The following SMG5 variants were observed in gnomAD, a reference collection of about 807,000 sequenced individuals.
SMG5 encodes the protein nonsense-mediated mRNA decay factor SMG5.
SMG5 carries 53 observed loss-of-function variants against 122.9 expected under a neutral mutation model. The ratio of observed to expected loss-of-function variants is 0.43; its 90% confidence interval spans 0.35 to 0.54. SMG5 has a LOEUF of 0.54. SMG5 is among the 20% of genes least tolerant of loss of function. SMG5 has a pLI of 0.01. For synonymous variants in SMG5, 477 were observed against 490.2 expected (o/e 0.97, Z 0.35); for missense variants, 1,153 against 1,285.6 (o/e 0.90, Z 1.58).
intron 12 of SMG5, among the ~76,000 whole-genome samples, chr1:156,265,116 A>G (rs1662064394): frequency 6.6e-6 from 1 of 151,512 alleles, no homozygotes; most frequent in Non-Finnish European, 1.5e-5. Context: ...CCAGCTACTC[A>G]GAAGGCTGAG....
chr1:156,251,525 G>C (rs754777740), intron 19 of SMG5, 48 bp from the exon 20 acceptor site: 2 of 1,597,454 alleles, frequency 1.3e-6, no homozygotes, highest in South Asian at 2.2e-5. Context: ...AGACTGGCAG[G>C]GTGCCTTACA....
intron 17 of SMG5, 136 bp downstream of exon 17, chr1:156,253,313 G>A: frequency 1.0e-6 from 1 of 977,692 alleles, no homozygotes; most frequent in South Asian, 1.4e-5. Context: ...GTAGTAAGGA[G>A]GGTCATCTGG....
the SMG5 span, among the ~76,000 whole-genome samples, chr1:156,289,829 G>A: frequency 3.3e-5 from 5 of 152,290 alleles, no homozygotes; most frequent in African/African-American, 4.8e-5. Context: ...TCCATTGAGG[G>A]GTGTGTATTG....
rs774850259 is a variant in SMG5, at chr1:156,251,013, GA to G, written c.2829-18del. ...TAGAGAGTCCTGGGGATGGGGGGCAGAGGGGAAGATGGGCCAAGACCCAGCA... is the reference window on the plus strand; with the variant it reads ...TAGAGAGTCCTGGGGATGGGGGGCAGGGGGAAGATGGGCCAAGACCCAGCA... On this transcript the variant is annotated intron_variant, in intron 20 of 21. Transcript: ENST00000361813. 6.2e-7 allele frequency: 1 copy of G among 1,611,348 alleles called. No homozygotes were observed. Among genetic ancestry groups the G allele is most frequent in the South Asian group, 1.1e-5 (1 of 91,026 alleles).
rs557905357 is a variant in SMG5 at position 156,277,006 on chromosome 1, G to A, written c.454+79C>T. On this transcript the variant is annotated intron_variant, in intron 4 of 21. Transcript: ENST00000361813. ...CTCTCTCTGCCTGGCTGGGTCGCAA[G>A]CTACATGAACCCTGAGGGATAAGGC... 4.8e-6 allele frequency: 7 copies of A among 1,463,374 alleles called. No individual in the cohort carries two copies. In the East Asian group the frequency reaches 1.6e-4, roughly 34 times the overall value. 90.6% of individuals were successfully genotyped at this position (1,463,374 alleles called of 1,614,324 possible).
chr1:156,275,891 T>C (rs947392345), intron 4 of SMG5, among the ~76,000 whole-genome samples: 3 of 150,676 alleles, frequency 2.0e-5, no homozygotes, highest in Non-Finnish European at 4.4e-5. Flanking sequence ...CATGGCTCAC[T>C]GCAGCCTCGA....
At chr1:156,287,236 G>A (rs1253523265), upstream of SMG5, among the ~76,000 whole-genome samples, 1 of 152,028 alleles carries the variant, frequency 6.6e-6, no homozygotes, top group Non-Finnish European at 1.5e-5. Flanking sequence ...CCAACAAGGT[G>A]AAACCCCAGG....
chr1:156,261,364 C>T lies in SMG5; in HGVS notation c.2076G>A (p.Leu692=). Residue 692 remains leucine (L), a synonymous_variant, in exon 14 of 22, where the codon CTG becomes CTA. Coordinates refer to ENST00000361813, the MANE Select transcript of SMG5 (RefSeq NM_015327.3). The part of the protein sequence containing the change: ...LWNRLSVLLN[L]LPAAGELQES... The stretch of plus-strand genomic sequence containing the variant: ...CCTGGAGTTCACCAGCAGCAGGCAA[C>T]AGATTCAGCAACACAGACAGGCGGT... The T allele has an allele frequency of 6.2e-7, 1 of 1,614,146 alleles. No individual in the cohort carries two copies. Among genetic ancestry groups the T allele is most frequent in the Non-Finnish European group, 8.5e-7 (1 of 1,180,022 alleles).
intron 20 of SMG5, 137 bp from the exon 21 acceptor site, chr1:156,251,133 G>A: frequency 8.3e-7 from 1 of 1,199,444 alleles, no homozygotes; most frequent in East Asian, 2.4e-5. Flanking sequence ...AGCTGGCCCT[G>A]GAGACATATG....
At chr1:156,278,891 G>A in intron 2 of SMG5, 45 bp downstream of exon 2, 1 of 1,505,314 alleles carries the variant, frequency 6.6e-7, no homozygotes. Context: ...GGTAGAGATA[G>A]GCAGGGAAAC....
chr1:156,252,629 A>G lies in SMG5; in HGVS notation c.2663-125T>C, dbSNP rs1169972781. On this transcript the variant is annotated intron_variant, in intron 18 of 21. Coordinates refer to ENST00000361813, the MANE Select transcript of SMG5 (RefSeq NM_015327.3). ...GGCAGAGAAGGGACCCTGGCTCCCTAGAGGGCTCCCAAAGTTCTCTGAAAA... is the reference window on the plus strand; with the variant it reads ...GGCAGAGAAGGGACCCTGGCTCCCTGGAGGGCTCCCAAAGTTCTCTGAAAA... 4.0e-6 allele frequency: 4 copies of G among 988,826 alleles called. No individual in the cohort carries two copies. The East Asian group carries it at 1.0e-4, about 26-fold the overall frequency. The allele number at this position is 988,826 out of a possible 1,614,324, so 61.3% of individuals were successfully genotyped here.
chr1:156,251,965 G>A lies in SMG5; in HGVS notation c.2753+449C>T, dbSNP rs985046900. ...CAGCTGCCCCTCCCTGGCTGGCTTC[G>A]GTCTTACCACTCCCTCAGCTCAGCA... On this transcript the variant is annotated intron_variant, in intron 19 of 21. Transcript: ENST00000361813. 3.3e-5 allele frequency among the ~76,000 whole-genome samples: 5 copies of A among 152,206 alleles called. No homozygotes were observed. The South Asian group carries it at 8.3e-4, about 25-fold the overall frequency.
intron 12 of SMG5, 52 bp downstream of exon 12, chr1:156,265,729 T>C: frequency 6.3e-7 from 1 of 1,576,416 alleles, no homozygotes; most frequent in Non-Finnish European, 8.6e-7. Flanking sequence ...CTGGTGAGTG[T>C]CTATGGCATG....
At chr1:156,253,932 A>AGG (rs1661466805) in intron 16 of SMG5, among the ~76,000 whole-genome samples, 1 of 152,118 alleles carries the variant, frequency 6.6e-6, no homozygotes, top group Admixed American at 6.6e-5. Flanking sequence ...AGGCCTGACC[A>AGG]TCCTGAGCTC....
intron 3 of SMG5, among the ~76,000 whole-genome samples, chr1:156,277,694 T>G (rs897247437): frequency 6.6e-6 from 1 of 152,078 alleles, no homozygotes; most frequent in African/African-American, 2.4e-5. Flanking sequence ...GTATTTCTAG[T>G]AGAGATGGGG....
intron 18 of SMG5, 147 bp from the exon 19 acceptor site, chr1:156,252,651 A>C (rs1661401970): frequency 1.2e-6 from 1 of 824,014 alleles, no homozygotes. Flanking sequence ...AAGTTCTCTG[A>C]AAACATGACC....
At chr1:156,263,809 G>T (rs1393453976) in intron 12 of SMG5, among the ~76,000 whole-genome samples, 2 of 152,090 alleles carry the variant, frequency 1.3e-5, no homozygotes, top group African/African-American at 4.8e-5. Flanking sequence ...TTAAAATATG[G>T]TGCCTTTTAA....
upstream of SMG5, chr1:156,285,982 G>C: frequency 6.3e-7 from 1 of 1,598,572 alleles, no homozygotes; most frequent in Non-Finnish European, 8.5e-7. Flanking sequence ...CCATTGTGCT[G>C]GGTGAGCCTG....
At chr1:156,261,480 C>T in intron 13 of SMG5, 72 bp from the exon 14 acceptor site, 6 of 1,285,726 alleles carry the variant, frequency 4.7e-6, no homozygotes, top group Non-Finnish European at 4.5e-6. Flanking sequence ...GCAAGGAAAG[C>T]ACCACCCTGA....
Sources: gnomAD v4.1 joint callset for allele counts (sites outside exome capture counted in the v4.1 genomes callset) on GRCh38, gnomAD v4.1.1 for gene constraint, MANE v1.5 for transcripts, NCBI Gene and HGNC (gene_info 2026-07-23, HGNC 2026-07-21) for gene names.